The following ROBO2 variants were observed in gnomAD, a reference collection of about 807,000 sequenced individuals.
ROBO2 encodes the protein roundabout homolog 2.
Under a neutral mutation model 160.8 loss-of-function variants are expected in ROBO2, and 53 were observed. That is an observed-to-expected ratio of 0.33 (90% CI 0.26 to 0.41). ROBO2 has a LOEUF of 0.41. Among genes scored for constraint, ROBO2 ranks in the 10% least tolerant of loss-of-function variants. The pLI is 1.00. For synonymous variants in ROBO2, 664 were observed against 611.7 expected, an observed-to-expected ratio of 1.09 and a Z score of -1.26; for missense variants, 1,577 against 1,722.4, an observed-to-expected ratio of 0.92 and a Z score of 1.49.
intron 17 of ROBO2, among the ~76,000 whole-genome samples, chr3:77,589,924 A>G (rs2094141078): frequency 6.6e-6 from 1 of 152,120 alleles, no homozygotes; most frequent in Non-Finnish European, 1.5e-5. Flanking sequence ...TGTATTCCTA[A>G]TATTAAATTT....
At chr3:76,658,443 C>T (rs369780783) in intron 2 of ROBO2, among the ~76,000 whole-genome samples, 38 of 152,146 alleles carry the variant, frequency 2.5e-4, no homozygotes, top group African/African-American at 6.5e-4. Flanking sequence ...CCCATCAACT[C>T]GTCATCTACA....
intron 2 of ROBO2, among the ~76,000 whole-genome samples, chr3:75,939,236 A>G (rs1302472551): frequency 6.6e-6 from 1 of 152,092 alleles, no homozygotes; most frequent in Non-Finnish European, 1.5e-5. Context: ...TAGTGATCCA[A>G]CATGACATGT....
intron 2 of ROBO2, among the ~76,000 whole-genome samples, chr3:76,914,320 A>G (rs2076179722): frequency 6.6e-6 from 1 of 152,182 alleles, no homozygotes; most frequent in Non-Finnish European, 1.5e-5. Flanking sequence ...CCAAAAGTAA[A>G]AGCCCTTTCA....
intron 2 of ROBO2, among the ~76,000 whole-genome samples, chr3:77,324,415 T>G (rs1233516067): frequency 3.9e-5 from 6 of 152,182 alleles, no homozygotes; most frequent in African/African-American, 9.7e-5. Context: ...CATTATTTTT[T>G]GTGGCATCGA....
intron 2 of ROBO2, among the ~76,000 whole-genome samples, chr3:76,921,901 T>C (rs997309918): frequency 6.6e-6 from 1 of 152,210 alleles, no homozygotes; most frequent in Non-Finnish European, 1.5e-5. Flanking sequence ...TAAAATGCAT[T>C]GAGATGTGAA....
chr3:76,019,114 C>T (rs1217873687), intron 2 of ROBO2, among the ~76,000 whole-genome samples: 1 of 109,128 alleles, frequency 9.2e-6, no homozygotes, highest in African/African-American at 3.5e-5. Context: ...TGCGTATCTG[C>T]GAATACTGTG....
intron 2 of ROBO2, among the ~76,000 whole-genome samples, chr3:77,029,162 C>T (rs1421260804): frequency 6.6e-6 from 1 of 151,788 alleles, no homozygotes; most frequent in Non-Finnish European, 1.5e-5. Context: ...TTTATTTGTG[C>T]ATGTGGGCTG....
chr3:76,970,204 T>C (rs146973464), intron 2 of ROBO2, among the ~76,000 whole-genome samples: 3 of 152,296 alleles, frequency 2.0e-5, no homozygotes, highest in African/African-American at 7.2e-5. Context: ...TTATCCACGT[T>C]GTCATTTTGC....
chr3:76,320,384 G>C (rs1302727690), intron 2 of ROBO2, among the ~76,000 whole-genome samples: 1 of 152,016 alleles, frequency 6.6e-6, no homozygotes, highest in Admixed American at 6.5e-5. Flanking sequence ...TTTGTATTTT[G>C]CCAGGATGAG....
At chr3:76,654,894 T>A (rs1458515428) in intron 2 of ROBO2, among the ~76,000 whole-genome samples, 1 of 144,804 alleles carries the variant, frequency 6.9e-6, no homozygotes, top group Non-Finnish European at 1.5e-5. Flanking sequence ...TACATATGCA[T>A]GTGTGTACAT....
At chr3:76,814,998 C>T (rs2109042469) in intron 2 of ROBO2, among the ~76,000 whole-genome samples, 1 of 152,028 alleles carries the variant, frequency 6.6e-6, no homozygotes. Flanking sequence ...GCTTTCCCTT[C>T]AGTTATGATG....
intron 2 of ROBO2, among the ~76,000 whole-genome samples, chr3:76,216,725 C>G (rs1295122184): frequency 6.6e-6 from 1 of 151,992 alleles, no homozygotes; most frequent in Non-Finnish European, 1.5e-5. Context: ...ACTTTAACAC[C>G]CCACTGTCAA....
intron 2 of ROBO2, chr3:76,435,444 G>A (rs2076629811): frequency 6.5e-6 from 5 of 767,328 alleles, no homozygotes; most frequent in South Asian, 5.5e-5. Flanking sequence ...GTGTCTCTGG[G>A]TTCTTTGCCC....
chr3:77,643,865 G>T (rs916738826), intron 24 of ROBO2, among the ~76,000 whole-genome samples: 1 of 152,050 alleles, frequency 6.6e-6, no homozygotes, highest in African/African-American at 2.4e-5. Flanking sequence ...CATTTAGAAA[G>T]GTTACACCAT....
intron 2 of ROBO2, among the ~76,000 whole-genome samples, chr3:76,686,651 A>G (rs970771426): frequency 6.6e-6 from 1 of 152,198 alleles, no homozygotes; most frequent in Non-Finnish European, 1.5e-5. Context: ...AAACAGAAAC[A>G]TTCCCATGCC....
intron 2 of ROBO2, among the ~76,000 whole-genome samples, chr3:76,468,803 A>G (rs3913576): frequency 0.64 from 97,126 of 151,846 alleles, 31,488 homozygotes; most frequent in African/African-American, 0.75. Context: ...GATTTCCTGC[A>G]AATAACTCAA....
intron 2 of ROBO2, among the ~76,000 whole-genome samples, chr3:76,564,114 G>A (rs1034083263): frequency 2.6e-5 from 4 of 152,214 alleles, no homozygotes; most frequent in Admixed American, 1.3e-4. Flanking sequence ...GCTGAGACAC[G>A]AGAATCGCAT....
chr3:77,243,228 AAAT>A (rs2089281964), intron 2 of ROBO2, among the ~76,000 whole-genome samples: 1 of 152,182 alleles, frequency 6.6e-6, no homozygotes, highest in South Asian at 2.1e-4. Context: ...CCATATTGCA[AAAT>A]AATAATTTGC....
chr3:76,722,356 A>G (rs746027964), intron 2 of ROBO2, among the ~76,000 whole-genome samples: 1 of 152,072 alleles, frequency 6.6e-6, no homozygotes, highest in Non-Finnish European at 1.5e-5. Context: ...TCCTGACCTC[A>G]TGATCCGCCC....
Sources: allele counts gnomAD v4.1 joint callset (sites outside exome capture counted in the v4.1 genomes callset), GRCh38; gene constraint gnomAD v4.1.1; transcripts MANE v1.5; gene names NCBI Gene and HGNC (gene_info 2026-07-23, HGNC 2026-07-21).